Variants in MARCHF1 observed in about 807,000 individuals in gnomAD.
The protein encoded by MARCHF1 is membrane associated ring-CH-type finger 1.
MARCHF1 carries 40 observed loss-of-function variants against 54.2 expected under a neutral mutation model. The observed-to-expected ratio is 0.74, with a 90% confidence interval of 0.57 to 0.96. MARCHF1 has a LOEUF of 0.96. Among genes scored for constraint, MARCHF1 ranks in the 40% least tolerant of loss-of-function variants. The probability of loss-of-function intolerance (pLI) is 0.00; values close to 1 mark genes in which losing one functional copy is unlikely to be tolerated. For synonymous variants in MARCHF1, 236 were observed against 236.3 expected (o/e 1.00, Z 0.01); for missense variants, 586 against 656.5 (o/e 0.89, Z 1.17).
At chr4:164,123,434 A>C (rs2110784680) in intron 1 of MARCHF1, among the ~76,000 whole-genome samples, 2 of 152,266 alleles carry the variant, frequency 1.3e-5, no homozygotes, top group South Asian at 4.2e-4. Context: ...TTCTTCACAG[A>C]AATAAAAATT....
chr4:164,257,585 A>G (rs2111261755), intron 1 of MARCHF1, among the ~76,000 whole-genome samples: 1 of 151,898 alleles, frequency 6.6e-6, no homozygotes, highest in South Asian at 2.1e-4. Flanking sequence ...ATATATATAT[A>G]TTTGAAAAAT....
chr4:163,584,518 G>A (rs1235354096), intron 8 of MARCHF1: 1 of 151,914 alleles, frequency 6.6e-6, no homozygotes. Flanking sequence ...GACACCTCTG[G>A]GCCCTAGAAA....
chr4:163,861,673 A>C (rs1749937832), intron 3 of MARCHF1, among the ~76,000 whole-genome samples: 1 of 152,108 alleles, frequency 6.6e-6, no homozygotes, highest in South Asian at 2.1e-4. Context: ...TATACATTTC[A>C]TACAATCTGA....
chr4:163,775,217 C>T (rs1747271313), intron 4 of MARCHF1, among the ~76,000 whole-genome samples: 1 of 152,152 alleles, frequency 6.6e-6, no homozygotes, highest in Non-Finnish European at 1.5e-5. Context: ...ATTCTCTTTC[C>T]ACAGATATTA....
chr4:164,381,649 C>T (rs746312904), intron 1 of MARCHF1, among the ~76,000 whole-genome samples: 1 of 152,148 alleles, frequency 6.6e-6, no homozygotes, highest in Non-Finnish European at 1.5e-5. Context: ...GAGTTATACA[C>T]ATATTGTATG....
intron 4 of MARCHF1, among the ~76,000 whole-genome samples, chr4:163,731,993 A>G (rs1169267256): frequency 6.6e-6 from 1 of 152,184 alleles, no homozygotes; most frequent in Non-Finnish European, 1.5e-5. Context: ...AAAAATATCT[A>G]ATATCCAACT....
chr4:163,933,036 T>A (rs573336308), intron 3 of MARCHF1: 10 of 1,472,030 alleles, frequency 6.8e-6, no homozygotes, highest in Non-Finnish European at 9.2e-6. Flanking sequence ...TGCGGTTAAC[T>A]TTTCTGTATT....
chr4:164,047,008 A>G (rs1754256724), intron 2 of MARCHF1, among the ~76,000 whole-genome samples: 1 of 152,244 alleles, frequency 6.6e-6, no homozygotes, highest in South Asian at 2.1e-4. Flanking sequence ...GACATATCAA[A>G]TAAGTGGACA....
intron 4 of MARCHF1, among the ~76,000 whole-genome samples, chr4:163,852,911 T>C (rs1749679270): frequency 6.6e-6 from 1 of 152,078 alleles, no homozygotes; most frequent in Non-Finnish European, 1.5e-5. Flanking sequence ...AGTGGGGCCC[T>C]CATAAATGGT....
chr4:164,299,633 A>G (rs894820626), intron 1 of MARCHF1, among the ~76,000 whole-genome samples: 15 of 152,198 alleles, frequency 9.9e-5, no homozygotes, highest in African/African-American at 3.6e-4. Flanking sequence ...GAGTAGAGTT[A>G]TTCCATTTGG....
intron 4 of MARCHF1, among the ~76,000 whole-genome samples, chr4:163,811,616 A>G (rs565511124): frequency 6.6e-6 from 1 of 152,214 alleles, no homozygotes; most frequent in Admixed American, 6.5e-5. Flanking sequence ...CTGAAAATGT[A>G]TGTTGGCAGG....
At chr4:163,849,081 T>C (rs1270382109) in intron 4 of MARCHF1, among the ~76,000 whole-genome samples, 1 of 152,178 alleles carries the variant, frequency 6.6e-6, no homozygotes, top group Non-Finnish European at 1.5e-5. Context: ...TAGTCAAATA[T>C]GTACAATCCA....
At chr4:163,826,493 AG>A (rs1346925372) in intron 4 of MARCHF1, among the ~76,000 whole-genome samples, 1 of 152,106 alleles carries the variant, frequency 6.6e-6, no homozygotes, top group Non-Finnish European at 1.5e-5. Context: ...GTCCATGAAT[AG>A]GTTTTATTGA....
intron 1 of MARCHF1, among the ~76,000 whole-genome samples, chr4:164,159,323 G>A (rs1001970785): frequency 2.0e-5 from 3 of 152,024 alleles, no homozygotes; most frequent in Admixed American, 6.6e-5. Flanking sequence ...TTTAATCTCT[G>A]TTAAATAATT....
intron 3 of MARCHF1, among the ~76,000 whole-genome samples, chr4:163,956,431 G>A (rs1359982575): frequency 1.3e-5 from 2 of 152,128 alleles, no homozygotes; most frequent in South Asian, 2.1e-4. Context: ...AAGGAAGCCA[G>A]TACTGTTGTC....
intron 1 of MARCHF1, among the ~76,000 whole-genome samples, chr4:164,369,822 C>T (rs1730985440): frequency 6.6e-6 from 1 of 152,012 alleles, no homozygotes. Context: ...ATCTATCTAG[C>T]CTACACAATA....
At chr4:164,114,677 C>G (rs1308017765) in intron 1 of MARCHF1, among the ~76,000 whole-genome samples, 1 of 150,924 alleles carries the variant, frequency 6.6e-6, no homozygotes, top group African/African-American at 2.4e-5. Flanking sequence ...CAGAAGATAA[C>G]TATTGAAACA....
chr4:163,904,444 C>T (rs1751011383), intron 3 of MARCHF1, among the ~76,000 whole-genome samples: 1 of 152,070 alleles, frequency 6.6e-6, no homozygotes, highest in Non-Finnish European at 1.5e-5. Flanking sequence ...GGGACAGGTG[C>T]TGAGTGTTAA....
At chr4:163,959,328 AAC>A (rs1752293576) in intron 3 of MARCHF1, among the ~76,000 whole-genome samples, 1 of 129,084 alleles carries the variant, frequency 7.7e-6, no homozygotes, top group South Asian at 2.8e-4. Flanking sequence ...CAACAACAAC[AAC>A]AAAAAAAAAA....
Sources: gnomAD v4.1 joint callset for allele counts (sites outside exome capture counted in the v4.1 genomes callset) on GRCh38, gnomAD v4.1.1 for gene constraint, MANE v1.5 for transcripts, NCBI Gene and HGNC (gene_info 2026-07-23, HGNC 2026-07-21) for gene names.